Variants in SPART observed in about 807,000 individuals in gnomAD.
SPART encodes the protein spastic paraplegia 20 (Troyer syndrome).
In SPART, 35 loss-of-function variants were observed where a neutral mutation model predicts 58.7. The observed-to-expected ratio is 0.60, with a 90% CI of 0.46 to 0.79. The LOEUF (loss-of-function observed/expected upper bound fraction) is 0.79, where lower values mean the gene tolerates loss of function less well. SPART is among the 30% of genes least tolerant of loss of function. SPART has a pLI of 0.00. For synonymous variants in SPART, 284 were observed against 280.7 expected (o/e 1.01, Z -0.12); for missense variants, 730 against 786.1 (o/e 0.93, Z 0.85).
chr13:36,310,584 C>G (rs898918151), intron 8 of SPART, among the ~76,000 whole-genome samples: 3 of 152,256 alleles, frequency 2.0e-5, no homozygotes. Context: ...ACTTCTCTCT[C>G]CCCCATGCGG....
chr13:36,347,136 G>A (rs1885197377), upstream of SPART, among the ~76,000 whole-genome samples: 1 of 148,776 alleles, frequency 6.7e-6, no homozygotes, highest in Admixed American at 6.8e-5. Flanking sequence ...CTTCAATAGG[G>A]CTGCCTTAGG....
At chr13:36,334,346 G>T (rs1185477972) in intron 2 of SPART, among the ~76,000 whole-genome samples, 1 of 152,046 alleles carries the variant, frequency 6.6e-6, no homozygotes, top group Non-Finnish European at 1.5e-5. Flanking sequence ...TCTCTGCTTG[G>T]ACTGTTGGAA....
At chr13:36,333,431 T>TA (rs1566129626) in intron 2 of SPART, among the ~76,000 whole-genome samples, 4 of 85,980 alleles carry the variant, frequency 4.7e-5, no homozygotes, top group East Asian at 7.2e-4. Context: ...ATTATTGTAT[T>TA]TTTTTTTTTT....
At chr13:36,369,691 T>A (rs1237164169) in intron 1 of SPART, 2 of 151,988 alleles carry the variant, frequency 1.3e-5, no homozygotes, top group African/African-American at 4.8e-5. Flanking sequence ...AACAAAGGAG[T>A]CAACTCTCAG....
rs148027828 is a variant in SPART, at chr13:36,304,479, C to A, written c.1887G>T (p.Gln629His). The A allele has an allele frequency of 4.3e-6, 7 of 1,614,022 alleles. No individual in the cohort carries two copies. The African/African-American group carries it at 5.3e-5, about 12-fold the overall frequency. Residue 629 changes from glutamine to histidine, a missense_variant, in exon 9 of 9, where the codon CAG becomes CAT. Gln to His is a conservative substitution (Grantham distance 24, BLOSUM62 0). Transcript: ENST00000438666. ...QTGHTLLEDY[Q>H]IVDNSQRENQ... ...TTTCCCTCTGAGAATTATCAACTAT[C>A]TGATAGTCCTCAAGGAGAGTGTGTC... is the stretch of plus-strand genomic sequence containing the variant.
rs1881432966 is a variant in SPART at position 36,314,231 on chromosome 13, G to C, written c.1479C>G (p.Phe493Leu). ...ATGGAAKVSQ[F>L]LVDGVCTVAN... ...AGTTATCTAGAATTACTTTACCCAG[G>C]AACTGACTGACTTTTGCTGCTCCTC... The change falls in exon 6 of 9, where the codon TTC (phenylalanine) becomes TTG (leucine). Residue 493 changes from phenylalanine (F) to leucine (L), a missense_variant. By Grantham distance (22) the Phe-to-Leu change is conservative (BLOSUM62 0). Transcript: ENST00000438666. The C allele has an allele frequency of 6.2e-7, 1 of 1,613,820 alleles. No individual in the cohort carries two copies.
upstream of SPART, among the ~76,000 whole-genome samples, chr13:36,348,825 T>G (rs1390296248): frequency 6.6e-6 from 1 of 152,186 alleles, no homozygotes; most frequent in Non-Finnish European, 1.5e-5. Flanking sequence ...ATGACTTTTT[T>G]GCAGAATTTT....
intron 1 of SPART, among the ~76,000 whole-genome samples, chr13:36,341,102 G>A (rs921621338): frequency 2.0e-5 from 3 of 152,062 alleles, no homozygotes; most frequent in East Asian, 1.9e-4. Context: ...CAATATATTC[G>A]CACTGTTTAG....
chr13:36,327,119 G>A (rs1337114068), intron 4 of SPART, among the ~76,000 whole-genome samples: 1 of 152,092 alleles, frequency 6.6e-6, no homozygotes, highest in East Asian at 1.9e-4. Flanking sequence ...TTTTGACAGA[G>A]ATCAAACAAA....
intron 4 of SPART, 137 bp from the exon 5 acceptor site, chr13:36,326,835 A>G: frequency 2.2e-6 from 2 of 927,082 alleles, no homozygotes; most frequent in Non-Finnish European, 3.3e-6. Context: ...CCTAGTTACC[A>G]GTATGGTCTT....
chr13:36,325,618 C>CAG lies in SPART; in HGVS notation c.1288+955_1288+956dup, dbSNP rs1391942656. Among the ~76,000 whole-genome samples, 10 of 152,152 alleles carry CAG rather than the reference C, an allele frequency of 6.6e-5. No homozygotes were observed. In the South Asian group the frequency reaches 2.1e-3, roughly 32 times the overall value. On this transcript the variant is annotated intron_variant, in intron 5 of 8. Transcript: ENST00000438666. ...AAAAAACAAAATAAAAGGTATAAATCAGAGAGTTACTACAGCTAAAAAGCT... is the reference window on the plus strand; with the variant it reads ...AAAAAACAAAATAAAAGGTATAAATCAGAGAGAGTTACTACAGCTAAAAAGCT...
rs921422405 is a variant in SPART at position 36,302,639 on chromosome 13, T to C, written c.*1726A>G. ...TTTTTATGGGTACATGGTAGGTGTA[T>C]ATATTTATGGGATACATGAGATATT... is the stretch of plus-strand genomic sequence containing the variant. On this transcript the variant is annotated 3_prime_UTR_variant, in exon 9 of 9. Transcript: ENST00000438666. 6.6e-6 allele frequency: 1 copy of C among 152,162 alleles called. No homozygotes were observed. The highest frequency in any genetic ancestry group is 1.5e-5 in the Non-Finnish European group (1 of 68,026). 9.4% of individuals were successfully genotyped at this position (152,162 alleles called of 1,614,324 possible).
chr13:36,304,225 TA>T lies in SPART; in HGVS notation c.*139del. 9.8e-7 allele frequency: 1 copy of T among 1,021,032 alleles called. No individual in the cohort carries two copies. The highest frequency in any genetic ancestry group is 1.5e-6 in the Non-Finnish European group (1 of 676,976). The allele number at this position is 1,021,032 out of a possible 1,614,324, so 63.2% of individuals were successfully genotyped here. A position where few individuals can be genotyped will look rare whatever the true frequency, so the allele number is the denominator to read the frequency against. On this transcript the variant is annotated 3_prime_UTR_variant, in exon 9 of 9. Transcript: ENST00000438666. ...TTCCTTTTAAATAGAAGACATGCCATAAAATTTATGAAAGTTAATTTGTAGG... is the reference window on the plus strand; with the variant it reads ...TTCCTTTTAAATAGAAGACATGCCATAAATTTATGAAAGTTAATTTGTAGG...
At chr13:36,332,839 T>TA (rs1883583161) in intron 2 of SPART, among the ~76,000 whole-genome samples, 1 of 152,212 alleles carries the variant, frequency 6.6e-6, no homozygotes, top group South Asian at 2.1e-4. Context: ...AGTAGTTATT[T>TA]ATTTTAATAT....
rs185855400 is a variant in SPART at position 36,318,230 on chromosome 13, A to C, written c.1289-3809T>G. Among the ~76,000 whole-genome samples, 102 of 152,212 alleles carry C rather than the reference A, an allele frequency of 6.7e-4. No homozygotes were observed. The East Asian group carries it at 0.013, about 19-fold the overall frequency. ...TCACACCTGGTCTGGCTTACAGTTT[A>C]GTTCTGTGACTAGCCCTCCCCCTCC... is the stretch of plus-strand genomic sequence containing the variant. On this transcript the variant is annotated intron_variant, in intron 5 of 8. Transcript: ENST00000438666.
At chr13:36,333,429 ATTT>A (rs34312130) in intron 2 of SPART, among the ~76,000 whole-genome samples, 4 of 132,316 alleles carry the variant, frequency 3.0e-5, no homozygotes, top group Admixed American at 7.3e-5. Flanking sequence ...TTATTATTGT[ATTT>A]TTTTTTTTTT....
intron 1 of SPART, among the ~76,000 whole-genome samples, chr13:36,363,148 TC>T (rs1297854238): frequency 6.6e-6 from 1 of 152,212 alleles, no homozygotes; most frequent in African/African-American, 2.4e-5. Context: ...TTTCAAACAG[TC>T]CTTGTATTTG....
upstream of SPART, among the ~76,000 whole-genome samples, chr13:36,350,089 A>C (rs866651826): frequency 6.6e-6 from 1 of 152,252 alleles, no homozygotes; most frequent in Non-Finnish European, 1.5e-5. Context: ...TTAACATTTA[A>C]TATATCTTAT....
At chr13:36,313,924 C>A in intron 6 of SPART, 1 of 399,020 alleles carries the variant, frequency 2.5e-6, no homozygotes. Context: ...TCAGAACAAC[C>A]CTTTAACCAG....
Sources: allele counts gnomAD v4.1 joint callset (sites outside exome capture counted in the v4.1 genomes callset), GRCh38; gene constraint gnomAD v4.1.1; transcripts MANE v1.5; gene names NCBI Gene and HGNC (gene_info 2026-07-23, HGNC 2026-07-21).